The following ARHGAP35 variants were observed in gnomAD, a reference collection of about 807,000 sequenced individuals.
ARHGAP35 encodes the protein rho GTPase-activating protein 35.
ARHGAP35 carries 15 observed loss-of-function variants against 111.1 expected under a neutral mutation model. The observed-to-expected ratio is 0.13, with a 90% CI of 0.09 to 0.21. The LOEUF is 0.21. Ranked by LOEUF, ARHGAP35 falls within the 10% of genes least tolerant of loss-of-function variation. The pLI, the probability that ARHGAP35 is intolerant of heterozygous loss-of-function variation, is 1.00. For synonymous variants in ARHGAP35, 643 were observed against 710.3 expected (o/e 0.91, Z 1.51); for missense variants, 1,262 against 1,873.0 (o/e 0.67, Z 6.02).
rs529371058 is a variant in ARHGAP35, at chr19:46,993,015, C to G, written c.4036+3340C>G. 6.6e-6 allele frequency among the ~76,000 whole-genome samples: 1 copy of G among 152,176 alleles called. No homozygotes were observed. Among genetic ancestry groups the G allele is most frequent in the Non-Finnish European group, 1.5e-5 (1 of 68,034 alleles). Reference sequence around the variant, plus strand: ...CGGGGGTGCTTCTCACACCCACGTACGGGGTCATTAATTTCACAGCTAGCC... The same window carrying G: ...CGGGGGTGCTTCTCACACCCACGTAGGGGGTCATTAATTTCACAGCTAGCC... On this transcript the variant is annotated intron_variant, in intron 5 of 6. Coordinates refer to ENST00000672722, the MANE Select transcript of ARHGAP35 (RefSeq NM_004491.5). This position sits in a 1 kb window ranked among gnomAD's most constrained non-coding sequence, Gnocchi z 4.6.
At chr19:46,911,142 C>T (rs1374149096) in intron 1 of ARHGAP35, among the ~76,000 whole-genome samples, 1 of 152,200 alleles carries the variant, frequency 6.6e-6, no homozygotes, top group Non-Finnish European at 1.5e-5. Flanking sequence ...ATGTTTATTG[C>T]TTTCCCATTT....
At position 47,001,801 on chromosome 19, in the gene ARHGAP35, A is replaced by G; in HGVS notation, c.*1113A>G. ...TTGGTGGGGGGTTGGGGACAGCTGG[A>G]AGGTGCCAGGTGCACTTGGGGTTGG... is the stretch of plus-strand genomic sequence containing the variant. On this transcript the variant is annotated 3_prime_UTR_variant, in exon 7 of 7. Transcript: ENST00000672722. This position sits in a 1 kb window ranked among gnomAD's most constrained non-coding sequence, Gnocchi z 5.4. 4.5e-6 allele frequency: 1 copy of G among 221,350 alleles called. No homozygotes were observed. Among genetic ancestry groups the G allele is most frequent in the South Asian group, 6.8e-5 (1 of 14,664 alleles). 13.7% of individuals were successfully genotyped at this position (221,350 alleles called of 1,614,324 possible).
rs1448633330 is a variant in ARHGAP35, at chr19:46,993,130, A to AT, written c.4036+3457dup. ...GGTGGGACAGGACATTCAACAGGTG[A>AT]TTGCAAAGCCGTGTCTCCAGGGGAA... On this transcript the variant is annotated intron_variant, in intron 5 of 6. Transcript: ENST00000672722. This position sits in a 1 kb window ranked among gnomAD's most constrained non-coding sequence, Gnocchi z 4.6. 8.5e-5 allele frequency among the ~76,000 whole-genome samples: 13 copies of AT among 152,274 alleles called. No homozygotes were observed. The East Asian group carries it at 2.5e-3, about 29-fold the overall frequency.
intron 1 of ARHGAP35, among the ~76,000 whole-genome samples, chr19:46,869,671 G>A (rs567700545): frequency 1.8e-4 from 27 of 152,232 alleles, no homozygotes; most frequent in African/African-American, 6.5e-4. Context: ...CAATTAAAAA[G>A]AGTTCTTTGT....
intron 2 of ARHGAP35, among the ~76,000 whole-genome samples, chr19:46,931,283 G>A (rs191005445): frequency 2.6e-5 from 4 of 152,306 alleles, no homozygotes; most frequent in Admixed American, 6.5e-5. Flanking sequence ...CCCACTGCAC[G>A]TCAGGCCCTG....
At chr19:46,861,675 G>T (rs1376093524) in intron 1 of ARHGAP35, among the ~76,000 whole-genome samples, 1 of 151,782 alleles carries the variant, frequency 6.6e-6, no homozygotes, top group Non-Finnish European at 1.5e-5. Flanking sequence ...TTTGAGATCC[G>T]TGACGCTTCT....
chr19:46,910,494 G>A (rs532563361), intron 1 of ARHGAP35, among the ~76,000 whole-genome samples: 59 of 150,640 alleles, frequency 3.9e-4, no homozygotes, highest in Admixed American at 3.0e-3. Flanking sequence ...GTTTCACCAT[G>A]TTGGCCAGGC....
intron 1 of ARHGAP35, among the ~76,000 whole-genome samples, chr19:46,893,862 T>G (rs1156540246): frequency 2.0e-5 from 3 of 151,394 alleles, no homozygotes; most frequent in Non-Finnish European, 4.4e-5. Flanking sequence ...TGCCTTAACA[T>G]AAGTTCGTTC....
chr19:46,976,109 G>A (rs1315048904), intron 3 of ARHGAP35, among the ~76,000 whole-genome samples: 1 of 151,952 alleles, frequency 6.6e-6, no homozygotes, highest in Non-Finnish European at 1.5e-5. Flanking sequence ...ATTTTTATGG[G>A]GGCTGTCTGT....
chr19:46,903,368 C>T (rs145164344), intron 1 of ARHGAP35, among the ~76,000 whole-genome samples: 301 of 152,214 alleles, frequency 2.0e-3, no homozygotes, highest in African/African-American at 7.0e-3. Flanking sequence ...GATTTTAAGA[C>T]GATTCAAAAG....
intron 1 of ARHGAP35, among the ~76,000 whole-genome samples, chr19:46,907,234 C>T (rs1020008430): frequency 5.3e-5 from 8 of 152,284 alleles, no homozygotes; most frequent in African/African-American, 1.9e-4. Flanking sequence ...GCAAGCTCTG[C>T]CTCCCAGGTT....
chr19:46,921,881 A>G lies in ARHGAP35; in HGVS notation c.3206A>G (p.Lys1069Arg), dbSNP rs2056203498. The change falls in exon 2 of 7, where the codon AAG becomes AGG. Residue 1069 changes from lysine (K) to arginine (R), a missense_variant. This residue lies in a region of ARHGAP35 where 579 missense variants were observed against 716.9 expected (regional missense o/e 0.81). Transcript: ENST00000672722. This position sits in a 1 kb window ranked among gnomAD's most constrained non-coding sequence, Gnocchi z 4.3. ...LDQGHRDGQR[K>R]SVSSSPWLPQ... ...CAAGGCCATAGGGATGGACAGAGGA[A>G]GTCTGTGTCTTCTAGCCCCTGGCTG... The G allele has an allele frequency of 6.2e-7, 1 of 1,613,980 alleles. No homozygotes were observed. The highest frequency in any genetic ancestry group is 1.3e-5 in the African/African-American group (1 of 75,048).
intron 1 of ARHGAP35, among the ~76,000 whole-genome samples, chr19:46,898,331 G>A (rs1385747703): frequency 6.6e-6 from 1 of 150,878 alleles, no homozygotes; most frequent in South Asian, 2.1e-4. Flanking sequence ...ACAAAAACTC[G>A]ATTTAGTCAA....
chr19:46,905,560 C>CCG (rs2122173830), intron 1 of ARHGAP35, among the ~76,000 whole-genome samples: 1 of 145,804 alleles, frequency 6.9e-6, no homozygotes, highest in African/African-American at 2.5e-5. Flanking sequence ...ATTCCACCCC[C>CCG]CCCCCCCAAG....
At chr19:46,909,700 G>T (rs1441136823) in intron 1 of ARHGAP35, among the ~76,000 whole-genome samples, 6 of 152,106 alleles carry the variant, frequency 3.9e-5, no homozygotes, top group Non-Finnish European at 5.9e-5. Context: ...CACTGTTCTG[G>T]GCAAATGTCA....
At chr19:46,953,895 T>C (rs1479255113) in intron 3 of ARHGAP35, among the ~76,000 whole-genome samples, 1 of 152,262 alleles carries the variant, frequency 6.6e-6, no homozygotes, top group Non-Finnish European at 1.5e-5. Context: ...TGTTAAACAC[T>C]GTTCCTGCTG....
intron 3 of ARHGAP35, among the ~76,000 whole-genome samples, chr19:46,961,747 T>C (rs2056483469): frequency 1.3e-5 from 2 of 152,194 alleles, no homozygotes; most frequent in African/African-American, 2.4e-5. Context: ...CTGGCTAATA[T>C]GGTGAAACCC....
In ARHGAP35 at chr19:46,930,956, C is replaced by T. The variant is rs75024562; in HGVS notation, c.3682-6308C>T. Among the ~76,000 whole-genome samples the T allele has an allele frequency of 8.2e-3, 1,246 of 152,068 alleles. 15 individuals carry two copies. Among genetic ancestry groups the T allele is most frequent in the African/African-American group, 0.029 (1,199 of 41,482 alleles). ...AAAAAAAAACAAACCAAGACTCTTGCCTTCTAGGAACTTAGCCTAGTAGAA... is the reference window on the plus strand; with the variant it reads ...AAAAAAAAACAAACCAAGACTCTTGTCTTCTAGGAACTTAGCCTAGTAGAA... On this transcript the variant is annotated intron_variant, in intron 2 of 6. Coordinates refer to ENST00000672722, the MANE Select transcript of ARHGAP35 (RefSeq NM_004491.5).
intron 2 of ARHGAP35, among the ~76,000 whole-genome samples, chr19:46,925,275 T>C (rs985452607): frequency 6.6e-6 from 1 of 152,204 alleles, no homozygotes; most frequent in Non-Finnish European, 1.5e-5. Flanking sequence ...AGTGCAGAGA[T>C]GAGCAAATCC....
Sources: gnomAD v4.1 joint callset for allele counts (sites outside exome capture counted in the v4.1 genomes callset) on GRCh38, gnomAD v4.1.1 for gene constraint, gnomAD v4.1.1 regional missense constraint, Gnocchi (gnomAD v3.1) non-coding constraint, MANE v1.5 for transcripts, NCBI Gene and HGNC (gene_info 2026-07-23, HGNC 2026-07-21) for gene names.